CLIP3: variants seen among roughly 807,000 people sequenced by gnomAD.
The protein encoded by CLIP3 is CAP-Gly domain containing linker protein 3.
A neutral mutation model predicts 59.4 loss-of-function variants in CLIP3; 15 were observed. The ratio of observed to expected loss-of-function variants is 0.25; its 90% CI spans 0.17 to 0.39. The LOEUF (loss-of-function observed/expected upper bound fraction) is 0.39, where lower values mean the gene tolerates loss of function less well. Among genes scored for constraint, CLIP3 ranks in the 10% least tolerant of loss-of-function variants. CLIP3 has a pLI of 1.00. For missense variants in CLIP3, 495 were observed against 765.7 expected (o/e 0.65, Z 4.17); for synonymous variants, 300 against 321.6 (o/e 0.93, Z 0.72).
At chr19:36,025,755 T>C (rs1969088529) in intron 6 of CLIP3, among the ~76,000 whole-genome samples, 1 of 152,074 alleles carries the variant, frequency 6.6e-6, no homozygotes, top group African/African-American at 2.4e-5. Flanking sequence ...GTAATTAGCA[T>C]TGTGGATGGA....
chr19:36,031,587 C>G (rs1033902016), intron 2 of CLIP3, among the ~76,000 whole-genome samples: 1 of 152,134 alleles, frequency 6.6e-6, no homozygotes, highest in East Asian at 1.9e-4. Flanking sequence ...ATCCTTTACC[C>G]AGCGGTTACC....
chr19:36,026,598 C>T lies in CLIP3; in HGVS notation c.550G>A (p.Ala184Thr), dbSNP rs1289845190. The change falls in exon 5 of 14, where the codon GCG becomes ACG. Residue 184 changes from alanine to threonine, a missense_variant. By Grantham distance (58) the Ala-to-Thr change is moderately conservative (BLOSUM62 0). Coordinates refer to ENST00000360535, the MANE Select transcript of CLIP3 (RefSeq NM_015526.3). The surrounding 1 kb of genome is among the most constrained non-coding windows in gnomAD (Gnocchi z 6.3). The part of the protein sequence containing the change: ...PDLVRVLLKG[A>T]RPRVVNSTCS... ...CTCTCCTCCTCACCTCGCGGCCTCG[C>T]ACCCTTCAGCAGCACACGCACGAGG... 1 of 1,613,628 alleles carries T rather than the reference C, an allele frequency of 6.2e-7. No individual in the cohort carries two copies. The highest frequency in any genetic ancestry group is 1.3e-5 in the African/African-American group (1 of 74,954).
At chr19:36,017,827 G>C in intron 10 of CLIP3, 21 bp downstream of exon 10, 2 of 1,614,126 alleles carry the variant, frequency 1.2e-6, no homozygotes, top group Non-Finnish European at 1.7e-6. Context: ...CTGCCTCCCG[G>C]CCCAGAGTCC....
chr19:36,018,548 C>A (rs922119480), intron 9 of CLIP3, among the ~76,000 whole-genome samples: 1 of 149,226 alleles, frequency 6.7e-6, no homozygotes, highest in African/African-American at 2.5e-5. Context: ...TGCCACCACG[C>A]TCCAGCCTGG....
intron 2 of CLIP3, among the ~76,000 whole-genome samples, chr19:36,030,011 T>G (rs1163013764): frequency 3.3e-5 from 5 of 152,128 alleles, no homozygotes; most frequent in Non-Finnish European, 2.9e-5. Flanking sequence ...TCCAGTTTTC[T>G]GAGGTACAGC....
chr19:36,021,330 C>T (rs1968946453), intron 7 of CLIP3, among the ~76,000 whole-genome samples: 1 of 152,056 alleles, frequency 6.6e-6, no homozygotes. Context: ...GTTGCCCATG[C>T]CAGGGGTGCA....
chr19:36,018,728 G>A (rs1054941437), intron 9 of CLIP3, among the ~76,000 whole-genome samples, 170 bp downstream of exon 9: 3 of 152,158 alleles, frequency 2.0e-5, no homozygotes, highest in Non-Finnish European at 4.4e-5. Flanking sequence ...AAGAACTAGG[G>A]GGTGCCAGTA....
chr19:36,026,378 C>A lies in CLIP3; in HGVS notation c.563-113G>T. ...AGGTCCCAGAGCCTCCGACGCAGAG[C>A]CCCGCCCCCACCTCGGAGCCCCCCT... On this transcript the variant is annotated intron_variant, in intron 5 of 13. Coordinates refer to ENST00000360535, the MANE Select transcript of CLIP3 (RefSeq NM_015526.3). This position sits in a 1 kb window ranked among gnomAD's most constrained non-coding sequence, Gnocchi z 6.3. 1.7e-6 allele frequency: 2 copies of A among 1,146,672 alleles called. No individual in the cohort carries two copies. The highest frequency in any genetic ancestry group is 2.8e-5 in the South Asian group (2 of 70,520). 71.0% of individuals were successfully genotyped at this position (1,146,672 alleles called of 1,614,324 possible). A position where few individuals can be genotyped will look rare whatever the true frequency, so the allele number is the denominator to read the frequency against.
rs1568545486 is a variant in CLIP3, at chr19:36,031,002, TCTTTTC to T, written c.166+1184_166+1189del. Among the ~76,000 whole-genome samples, 190 of 101,652 alleles carry T rather than the reference TCTTTTC, an allele frequency of 1.9e-3. 1 individual carries two copies. The highest frequency in any genetic ancestry group is 8.3e-3 in the African/African-American group (178 of 21,494). 66.7% of individuals were successfully genotyped at this position (101,652 alleles called of 152,430 possible). On this transcript the variant is annotated intron_variant, in intron 2 of 13. Coordinates refer to ENST00000360535, the MANE Select transcript of CLIP3 (RefSeq NM_015526.3). ...AATTTCTTTTTCTTTTTTCTTTTTT[TCTTTTC>T]TTTTTTTTTTTTTTCTTTTTTTTTT...
At chr19:36,030,243 G>C (rs1033901503) in intron 2 of CLIP3, among the ~76,000 whole-genome samples, 1 of 151,914 alleles carries the variant, frequency 6.6e-6, no homozygotes, top group Non-Finnish European at 1.5e-5. Flanking sequence ...TGTACAGATG[G>C]GGTCTTGCTC....
At chr19:36,025,014 C>T (rs1332011154) in intron 6 of CLIP3, among the ~76,000 whole-genome samples, 6 of 150,146 alleles carry the variant, frequency 4.0e-5, no homozygotes, top group Admixed American at 2.7e-4. Context: ...TGCAGTGAGC[C>T]AAGATCATGC....
chr19:36,024,471 G>A lies in CLIP3; in HGVS notation c.843C>T (p.Asp281=). Residue 281 remains aspartate (D), a synonymous_variant, in exon 7 of 14, where the codon GAC becomes GAT. Coordinates refer to ENST00000360535, the MANE Select transcript of CLIP3 (RefSeq NM_015526.3). ...ALPKVTLPNY[D]NVPGNLMLSA... ...TAAGCATGAGATTGCCTGGGACGTT[G>A]TCATAGTTGGGTAGCGTGACCTTGG... The A allele has an allele frequency of 6.2e-7, 1 of 1,614,244 alleles. No individual in the cohort carries two copies. Among genetic ancestry groups the A allele is most frequent in the Non-Finnish European group, 8.5e-7 (1 of 1,180,042 alleles).
At chr19:36,019,499 A>G in intron 7 of CLIP3, 193 bp from the exon 8 acceptor site, 1 of 687,512 alleles carries the variant, frequency 1.5e-6, no homozygotes. Flanking sequence ...ATGGGAACAG[A>G]AATTATACTC....
chr19:36,026,063 A>T lies in CLIP3; in HGVS notation c.681+84T>A. 1.0e-6 allele frequency: 1 copy of T among 1,003,272 alleles called. No individual in the cohort carries two copies. 62.1% of individuals were successfully genotyped at this position (1,003,272 alleles called of 1,614,324 possible). A position where few individuals can be genotyped will look rare whatever the true frequency, so the allele number is the denominator to read the frequency against. On this transcript the variant is annotated intron_variant, in intron 6 of 13. Coordinates refer to ENST00000360535, the MANE Select transcript of CLIP3 (RefSeq NM_015526.3). This position sits in a 1 kb window ranked among gnomAD's most constrained non-coding sequence, Gnocchi z 6.3. ...CGGCATTTGTAGTATTTGGGGAGTC[A>T]CGGGAAACGCAGAGACCTGCTGGAG... is the stretch of plus-strand genomic sequence containing the variant.
chr19:36,023,297 C>G (rs983257872), intron 7 of CLIP3, among the ~76,000 whole-genome samples: 5 of 152,126 alleles, frequency 3.3e-5, no homozygotes, highest in African/African-American at 9.7e-5. Flanking sequence ...TGTGACCCAG[C>G]CTTGCTGACC....
At chr19:36,029,200 A>T (rs975958495) in intron 2 of CLIP3, among the ~76,000 whole-genome samples, 4 of 150,154 alleles carry the variant, frequency 2.7e-5, no homozygotes, top group African/African-American at 7.4e-5. Flanking sequence ...AGTGCCTGTA[A>T]TCCCAGCTAC....
At position 36,016,121 on chromosome 19, in the gene CLIP3, G is replaced by C; in HGVS notation, c.*37C>G. The C allele has an allele frequency of 6.2e-7, 1 of 1,611,834 alleles. No individual in the cohort carries two copies. Among genetic ancestry groups the C allele is most frequent in the Non-Finnish European group, 8.5e-7 (1 of 1,178,104 alleles). ...GCTCCTCGGGTGTCAGGAGATGCTA[G>C]TGGGGACTCTGTCTCTTTGTCAGGT... is the stretch of plus-strand genomic sequence containing the variant. On this transcript the variant is annotated 3_prime_UTR_variant, in exon 14 of 14. Coordinates refer to ENST00000360535, the MANE Select transcript of CLIP3 (RefSeq NM_015526.3). This position sits in a 1 kb window ranked among gnomAD's most constrained non-coding sequence, Gnocchi z 4.1.
At position 36,017,125 on chromosome 19, in the gene CLIP3, G is replaced by A; in HGVS notation, c.1517-146C>T. ...TTCCCAATACCCATCTGGGCCTCTT[G>A]TCCATAATTCCCACCATGTCCCCCA... On this transcript the variant is annotated intron_variant, in intron 12 of 13. Transcript: ENST00000360535. 3 of 895,480 alleles carry A rather than the reference G, an allele frequency of 3.4e-6. No homozygotes were observed. The South Asian group carries it at 4.6e-5, about 14-fold the overall frequency. The allele number at this position is 895,480 out of a possible 1,614,324, so 55.5% of individuals were successfully genotyped here.
chr19:36,031,017 T>TTC (rs1969247533), intron 2 of CLIP3, among the ~76,000 whole-genome samples: 2 of 112,448 alleles, frequency 1.8e-5, no homozygotes, highest in African/African-American at 8.6e-5. Flanking sequence ...TCTTTTTTTT[T>TTC]TTTTTCTTTT....
Sources: allele counts gnomAD v4.1 joint callset (sites outside exome capture counted in the v4.1 genomes callset), GRCh38; gene constraint gnomAD v4.1.1; non-coding constraint Gnocchi (gnomAD v3.1); transcripts MANE v1.5; gene names NCBI Gene and HGNC (gene_info 2026-07-23, HGNC 2026-07-21).